NFKBIZ: variants seen among roughly 807,000 people sequenced by gnomAD.
NFKBIZ encodes the protein NF-kappa-B inhibitor zeta.
In NFKBIZ, 19 loss-of-function variants were observed where a neutral mutation model predicts 76.8. That is an observed-to-expected ratio of 0.25 (90% confidence interval 0.17 to 0.36). NFKBIZ has a LOEUF of 0.36. Ranked by LOEUF, NFKBIZ falls within the 10% of genes least tolerant of loss-of-function variation. NFKBIZ has a pLI of 1.00. For synonymous variants in NFKBIZ, 368 were observed against 354.8 expected (o/e 1.04, Z -0.42); for missense variants, 829 against 910.9 (o/e 0.91, Z 1.16).
intron 1 of NFKBIZ, 60 bp downstream of exon 1, chr3:101,849,977 C>A: frequency 3.0e-6 from 4 of 1,317,992 alleles, no homozygotes; most frequent in Non-Finnish European, 2.9e-6. Context: ...AGGTTGGGAG[C>A]GGGACTCCCC....
rs1460320755 is a variant in NFKBIZ at position 101,852,900 on chromosome 3, G to A, written c.475G>A (p.Val159Ile). 1.2e-6 allele frequency: 2 copies of A among 1,614,084 alleles called. No homozygotes were observed. Among genetic ancestry groups the A allele is most frequent in the East Asian group, 2.2e-5 (1 of 44,888 alleles). Reference sequence around the variant, plus strand: ...TTTGGGTACAGAATTGAAGAACACAGTATCATACAGTGGGAAAAGGAAAGG... The same window carrying A: ...TTTGGGTACAGAATTGAAGAACACAATATCATACAGTGGGAAAAGGAAAGG... ...IEQFRELKNT[V>I]SYSGKRKGPD... is the part of the protein sequence containing the mutation. The change falls in exon 4 of 12, where the codon GTA becomes ATA. Residue 159 changes from valine to isoleucine, a missense_variant. Coordinates refer to ENST00000326172, the MANE Select transcript of NFKBIZ (RefSeq NM_031419.4).
chr3:101,855,038 C>CT, intron 6 of NFKBIZ, 24 bp from the exon 7 acceptor site: 2 of 1,568,030 alleles, frequency 1.3e-6, no homozygotes, highest in South Asian at 1.2e-5. Context: ...TTTAAAATAT[C>CT]TTTTTTCCTC....
At chr3:101,834,018 C>T (rs1046787492) in intron 2 of NFKBIZ, among the ~76,000 whole-genome samples, 1 of 152,164 alleles carries the variant, frequency 6.6e-6, no homozygotes, top group Non-Finnish European at 1.5e-5. Context: ...AGAAGGGTTA[C>T]TGTTGATGCC....
At chr3:101,854,366 T>C (rs530585254) in intron 5 of NFKBIZ, among the ~76,000 whole-genome samples, 1 of 152,342 alleles carries the variant, frequency 6.6e-6, no homozygotes, top group Non-Finnish European at 1.5e-5. Context: ...TTGACATTCT[T>C]CTTTTTCTTA....
At chr3:101,857,033 ATTTTT>A in intron 9 of NFKBIZ, 35 bp from the exon 10 acceptor site, 2 of 1,088,156 alleles carry the variant, frequency 1.8e-6, no homozygotes. Flanking sequence ...TAGTATCTGG[ATTTTT>A]TTTTTTTTTT....
Position 101,857,366 on chromosome 3 carries a change from C to T in NFKBIZ, c.2010C>T (p.Arg670=). The change falls in exon 11 of 12, where the codon CGC becomes CGT. Residue 670 remains arginine (R), a synonymous_variant. Coordinates refer to ENST00000326172, the MANE Select transcript of NFKBIZ (RefSeq NM_031419.4). ...QYRLTQLDAV[R]LLMRKGADPS... ...GGTTGACACAATTAGATGCTGTCCGCCTGTTGATGAGGAAGGGAGCAGACC... is the reference window on the plus strand; with the variant it reads ...GGTTGACACAATTAGATGCTGTCCGTCTGTTGATGAGGAAGGGAGCAGACC... The T allele has an allele frequency of 6.2e-7, 1 of 1,614,210 alleles. No homozygotes were observed. Among genetic ancestry groups the T allele is most frequent in the African/African-American group, 1.3e-5 (1 of 75,048 alleles).
At chr3:101,854,097 C>T (rs753770490) in intron 5 of NFKBIZ, among the ~76,000 whole-genome samples, 2 of 152,124 alleles carry the variant, frequency 1.3e-5, no homozygotes, top group African/African-American at 2.4e-5. Flanking sequence ...ATAAAAATAT[C>T]TGTATCTTCT....
At position 101,857,245 on chromosome 3, in the gene NFKBIZ, A is replaced by C. The variant is rs747713866; in HGVS notation, c.1936-47A>C. The C allele has an allele frequency of 2.5e-6, 4 of 1,612,280 alleles. No individual in the cohort carries two copies. The East Asian group carries it at 8.9e-5, about 36-fold the overall frequency. ...TCAAAGTTTTTGAGCTCCTTTCATGAAATTTCCCCCTTCCTGATGTCTGAT... is the reference window on the plus strand; with the variant it reads ...TCAAAGTTTTTGAGCTCCTTTCATGCAATTTCCCCCTTCCTGATGTCTGAT... On this transcript the variant is annotated intron_variant, in intron 10 of 11. Transcript: ENST00000326172.
Position 101,859,453 on chromosome 3 carries a change from T to A in NFKBIZ, c.*82T>A, listed in dbSNP as rs1943104261. ...GTATCTGTACATAGACCATTTGCCTTATATTGGCAAATGTAAGTTGTTTCT... is the reference window on the plus strand; with the variant it reads ...GTATCTGTACATAGACCATTTGCCTAATATTGGCAAATGTAAGTTGTTTCT... On this transcript the variant is annotated 3_prime_UTR_variant, in exon 12 of 12. Coordinates refer to ENST00000326172, the MANE Select transcript of NFKBIZ (RefSeq NM_031419.4). 1 of 1,119,304 alleles carries A rather than the reference T, an allele frequency of 8.9e-7. No individual in the cohort carries two copies. Among genetic ancestry groups the A allele is most frequent in the Non-Finnish European group, 1.4e-6 (1 of 739,650 alleles). 69.3% of individuals were successfully genotyped at this position (1,119,304 alleles called of 1,614,324 possible).
intron 2 of NFKBIZ, among the ~76,000 whole-genome samples, chr3:101,835,538 G>A (rs1344587696): frequency 6.6e-6 from 1 of 152,178 alleles, no homozygotes; most frequent in Non-Finnish European, 1.5e-5. Context: ...GTTTCTCCGA[G>A]GCCTCTCTCC....
intron 11 of NFKBIZ, chr3:101,858,492 A>G (rs1411992793): frequency 3.1e-6 from 3 of 954,612 alleles, no homozygotes; most frequent in East Asian, 1.2e-4. Context: ...GTGTGCAGTC[A>G]TATAACTATG....
At position 101,853,217 on chromosome 3, in the gene NFKBIZ, T is replaced by G; in HGVS notation, c.691T>G (p.Ser231Ala). Residue 231 changes from serine to alanine, a missense_variant, in exon 5 of 12, where the codon TCC becomes GCC. Physicochemically the swap from Ser to Ala is moderately conservative, Grantham distance 99. This residue lies in a region of NFKBIZ where 371 missense variants were observed against 332.3 expected (regional missense o/e 1.12). Transcript: ENST00000326172. ...CATTAAGAATGAATGCAGCCCCGTT[T>G]CCCTGAACACAGTTCAAGTTAGCTG... Reference protein sequence around the residue: ...INIKNECSPVSLNTVQVSWLN... With the variant: ...INIKNECSPVALNTVQVSWLN... 6.2e-7 allele frequency: 1 copy of G among 1,614,164 alleles called. No individual in the cohort carries two copies.
intron 2 of NFKBIZ, among the ~76,000 whole-genome samples, chr3:101,831,781 C>T (rs1942651388): frequency 6.6e-6 from 1 of 152,196 alleles, no homozygotes; most frequent in Non-Finnish European, 1.5e-5. Flanking sequence ...GCTGGGACTA[C>T]AGGCACATGC....
At chr3:101,829,379 A>G (rs1405594678) in intron 1 of NFKBIZ, among the ~76,000 whole-genome samples, 1 of 152,162 alleles carries the variant, frequency 6.6e-6, no homozygotes, top group African/African-American at 2.4e-5. Flanking sequence ...ACTTTTCCTC[A>G]CTGAGGAAGA....
chr3:101,851,589 T>C (rs145865732), intron 1 of NFKBIZ, among the ~76,000 whole-genome samples: 2 of 152,358 alleles, frequency 1.3e-5, no homozygotes, highest in East Asian at 3.9e-4. Context: ...TGATAGACTT[T>C]AAAATTTCTA....
rs1434530726 is a variant in NFKBIZ at position 101,855,047 on chromosome 3, T to C, written c.1444-15T>C. ...TGTATGTTTAAAATATCTTTTTTCC[T>C]CTGGATATCCACAGAGTGCCTTTCA... is the stretch of plus-strand genomic sequence containing the variant. On this transcript the variant is annotated splice_polypyrimidine_tract_variant and intron_variant, in intron 6 of 11. Transcript: ENST00000326172. 5 of 1,580,992 alleles carry C rather than the reference T, an allele frequency of 3.2e-6. No homozygotes were observed. The South Asian group carries it at 4.7e-5, about 15-fold the overall frequency.
chr3:101,828,032 A>C (rs2107386522), exon 1 of NFKBIZ: 1 of 152,328 alleles, frequency 6.6e-6, no homozygotes, highest in African/African-American at 2.4e-5. Context: ...TTAGAGAAAA[A>C]GGCTGCTTAG....
At chr3:101,829,390 GGAGGCAAAC>G (rs1942613109) in intron 1 of NFKBIZ, among the ~76,000 whole-genome samples, 1 of 152,178 alleles carries the variant, frequency 6.6e-6, no homozygotes, top group Non-Finnish European at 1.5e-5. Context: ...CTGAGGAAGA[GGAGGCAAAC>G]CCTTCTCTTT....
At chr3:101,849,300 A>C, upstream of NFKBIZ, 1 of 218,504 alleles carries the variant, frequency 4.6e-6, no homozygotes, top group East Asian at 9.6e-5. Context: ...AGGGCAGGCA[A>C]ACAACCGGTC....
Sources: gnomAD v4.1 joint callset for allele counts (sites outside exome capture counted in the v4.1 genomes callset) on GRCh38, gnomAD v4.1.1 for gene constraint, gnomAD v4.1.1 regional missense constraint, MANE v1.5 for transcripts, NCBI Gene and HGNC (gene_info 2026-07-23, HGNC 2026-07-21) for gene names.